DTNA: variants seen among roughly 807,000 people sequenced by gnomAD.
DTNA encodes the protein dystrophin-related protein 3.
DTNA carries 43 observed loss-of-function variants against 100.7 expected under a neutral mutation model. The ratio of observed to expected loss-of-function variants is 0.43; its 90% CI spans 0.33 to 0.55. The LOEUF (loss-of-function observed/expected upper bound fraction) is 0.55, where lower values mean the gene tolerates loss of function less well. Ranked by LOEUF, DTNA falls within the 20% of genes least tolerant of loss-of-function variation. The probability of loss-of-function intolerance (pLI) is 0.04; values close to 1 mark genes in which losing one functional copy is unlikely to be tolerated. For synonymous variants in DTNA, 349 were observed against 347.9 expected (o/e 1.00, Z -0.04); for missense variants, 798 against 953.9 (o/e 0.84, Z 2.15).
intron 1 of DTNA, among the ~76,000 whole-genome samples, chr18:34,714,012 G>A (rs1469732685): frequency 1.3e-5 from 2 of 151,656 alleles, no homozygotes; most frequent in Non-Finnish European, 2.9e-5. Flanking sequence ...ATGGTGCTGG[G>A]AAAACTGGCT....
intron 1 of DTNA, among the ~76,000 whole-genome samples, chr18:34,621,609 A>G (rs892930537): frequency 1.3e-5 from 2 of 152,210 alleles, no homozygotes; most frequent in Admixed American, 6.5e-5. Context: ...TCACTTACAT[A>G]TGGAATCTAA....
intron 16 of DTNA, among the ~76,000 whole-genome samples, chr18:34,860,115 C>T (rs1472314412): frequency 6.6e-6 from 1 of 151,748 alleles, no homozygotes; most frequent in African/African-American, 2.4e-5. Context: ...GGCACGATCT[C>T]GGCTCACTGC....
intron 2 of DTNA, among the ~76,000 whole-genome samples, chr18:34,760,497 A>T (rs2093075811): frequency 6.6e-6 from 1 of 152,258 alleles, no homozygotes. Flanking sequence ...CAAAATAGGC[A>T]GCACATAAAC....
At chr18:34,752,124 G>A (rs2092375164) in intron 1 of DTNA, among the ~76,000 whole-genome samples, 1 of 152,128 alleles carries the variant, frequency 6.6e-6, no homozygotes, top group Non-Finnish European at 1.5e-5. Flanking sequence ...GTACATGAAG[G>A]AGCAACAAAA....
intron 1 of DTNA, among the ~76,000 whole-genome samples, chr18:34,678,425 A>G (rs1235855993): frequency 6.6e-6 from 1 of 152,092 alleles, no homozygotes; most frequent in Non-Finnish European, 1.5e-5. Context: ...ATCACCCAGC[A>G]AAGGTGCAGA....
intron 2 of DTNA, among the ~76,000 whole-genome samples, chr18:34,756,862 T>A (rs1260209049): frequency 2.6e-5 from 4 of 152,206 alleles, no homozygotes; most frequent in Non-Finnish European, 5.9e-5. Context: ...TCTCTTCATG[T>A]CTTTTTATCT....
intron 1 of DTNA, among the ~76,000 whole-genome samples, chr18:34,723,760 G>A (rs189156210): frequency 5.9e-5 from 9 of 152,138 alleles, no homozygotes; most frequent in Admixed American, 2.0e-4. Context: ...TTAGCCGGGC[G>A]TGGTGACGGG....
intron 1 of DTNA, among the ~76,000 whole-genome samples, chr18:34,576,411 A>T (rs1338225174): frequency 1.3e-5 from 2 of 152,186 alleles, no homozygotes; most frequent in Non-Finnish European, 2.9e-5. Flanking sequence ...TTCATCATGG[A>T]ACACAAATAA....
In DTNA at chr18:34,891,795, A is replaced by C. The variant is rs550867569; in HGVS notation, c.*4061A>C. On this transcript the variant is annotated 3_prime_UTR_variant, in exon 23 of 23. Transcript: ENST00000444659. Reference sequence around the variant, plus strand: ...CTAGCCATGTATTCTGCAAATATTAAGTGCTCAATGGTTTTTTTGTTGAAT... The same window carrying C: ...CTAGCCATGTATTCTGCAAATATTACGTGCTCAATGGTTTTTTTGTTGAAT... 1.2e-4 allele frequency: 18 copies of C among 152,302 alleles called. No individual in the cohort carries two copies. Among genetic ancestry groups the C allele is most frequent in the African/African-American group, 4.3e-4 (18 of 41,580 alleles). The allele number at this position is 152,302 out of a possible 1,614,324, so 9.4% of individuals were successfully genotyped here. A position where few individuals can be genotyped will look rare whatever the true frequency, so the allele number is the denominator to read the frequency against.
chr18:34,598,457 A>G (rs562918123), intron 1 of DTNA, among the ~76,000 whole-genome samples: 2 of 152,314 alleles, frequency 1.3e-5, no homozygotes, highest in African/African-American at 4.8e-5. Flanking sequence ...CTCAATTTCA[A>G]CCATTAGAAA....
In DTNA at chr18:34,562,169, TACA is replaced by T. The variant is rs1207882076; in HGVS notation, c.-2+68663_-2+68665del. Among the ~76,000 whole-genome samples, 6 of 152,316 alleles carry T rather than the reference TACA, an allele frequency of 3.9e-5. No individual in the cohort carries two copies. The East Asian group carries it at 9.6e-4, about 24-fold the overall frequency. ...CAAACTGTTTCTTATAATAAAACCG[TACA>T]ACAACAATCAAGTTAACTAAAAATC... On this transcript the variant is annotated intron_variant, in intron 1 of 19. Coordinates refer to the DTNA transcript ENST00000283365.
At chr18:34,562,894 A>T (rs1206419081) in intron 1 of DTNA, among the ~76,000 whole-genome samples, 4 of 152,228 alleles carry the variant, frequency 2.6e-5, no homozygotes, top group Admixed American at 2.6e-4. Flanking sequence ...CTCCAAATTT[A>T]TTGTTTAAAT....
chr18:34,612,073 C>G lies in DTNA; in HGVS notation c.-2+118559C>G, dbSNP rs114857996. ...TTGCTGCTCAACTGCAGCCAGCTGA[C>G]ACGGGCCACCGCGCGTGAGCTCACC... On this transcript the variant is annotated intron_variant, in intron 1 of 19. Transcript: ENST00000283365. Among the ~76,000 whole-genome samples, 979 of 152,340 alleles carry G rather than the reference C, an allele frequency of 6.4e-3. 7 individuals carry two copies. Among genetic ancestry groups the G allele is most frequent in the African/African-American group, 0.023 (942 of 41,582 alleles).
chr18:34,841,628 T>A (rs762444716), intron 13 of DTNA, among the ~76,000 whole-genome samples: 1 of 152,170 alleles, frequency 6.6e-6, no homozygotes. Flanking sequence ...TCCTAGAAGG[T>A]TGGATATGAT....
Position 34,667,777 on chromosome 18 carries a change from T to C in DTNA, c.-1-88199T>C, listed in dbSNP as rs2076149590. Among the ~76,000 whole-genome samples, 3 of 152,230 alleles carry C rather than the reference T, an allele frequency of 2.0e-5. No homozygotes were observed. The South Asian group carries it at 6.2e-4, about 32-fold the overall frequency. On this transcript the variant is annotated intron_variant, in intron 1 of 19. Transcript: ENST00000283365. Reference sequence around the variant, plus strand: ...CCTTGCATCCCAGGGATGAAGCCAATTTGATCATGGTGGATAAGCTTTTTG... The same window carrying C: ...CCTTGCATCCCAGGGATGAAGCCAACTTGATCATGGTGGATAAGCTTTTTG...
intron 3 of DTNA, among the ~76,000 whole-genome samples, chr18:34,792,846 T>C (rs1421978441): frequency 6.6e-6 from 1 of 152,186 alleles, no homozygotes; most frequent in Non-Finnish European, 1.5e-5. Context: ...ATATTTTGAA[T>C]CCCTCATTGT....
At chr18:34,726,881 C>A (rs767838877) in intron 1 of DTNA, among the ~76,000 whole-genome samples, 41 of 152,224 alleles carry the variant, frequency 2.7e-4, no homozygotes, top group South Asian at 6.2e-4. Context: ...GGGCTCCAAC[C>A]CCACATTTCC....
intron 1 of DTNA, among the ~76,000 whole-genome samples, chr18:34,580,499 A>T (rs1197345352): frequency 6.6e-6 from 1 of 152,140 alleles, no homozygotes; most frequent in Admixed American, 6.5e-5. Context: ...AGACTGGATT[A>T]ATCTAATATG....
chr18:34,661,330 C>A (rs1266911972), intron 1 of DTNA, among the ~76,000 whole-genome samples: 3 of 152,172 alleles, frequency 2.0e-5, no homozygotes, highest in Non-Finnish European at 4.4e-5. Flanking sequence ...CTCAACTTTG[C>A]CCATAAAACT....
Sources: allele counts gnomAD v4.1 joint callset (sites outside exome capture counted in the v4.1 genomes callset), GRCh38; gene constraint gnomAD v4.1.1; transcripts MANE v1.5; gene names NCBI Gene and HGNC (gene_info 2026-07-23, HGNC 2026-07-21).